KCNIP4: variants seen among roughly 807,000 people sequenced by gnomAD.
The protein encoded by KCNIP4 is Kv channel-interacting protein 4.
KCNIP4 carries 12 observed loss-of-function variants against 34.0 expected under a neutral mutation model. The observed-to-expected ratio is 0.35, with a 90% CI of 0.23 to 0.57. The LOEUF is 0.57. KCNIP4 is among the 20% of genes least tolerant of loss of function. The probability of loss-of-function intolerance (pLI) is 0.83; values close to 1 mark genes in which losing one functional copy is unlikely to be tolerated. For missense variants in KCNIP4, 238 were observed against 311.7 expected, an observed-to-expected ratio of 0.76 and a Z score of 1.78; for synonymous variants, 124 against 102.2, an observed-to-expected ratio of 1.21 and a Z score of -1.29.
chr4:21,588,873 C>A (rs1741878798), intron 1 of KCNIP4, among the ~76,000 whole-genome samples: 1 of 151,390 alleles, frequency 6.6e-6, no homozygotes, highest in African/African-American at 2.4e-5. Flanking sequence ...ATTCTGCAAC[C>A]ATCACTTGGA....
chr4:20,825,809 C>G (rs1403119133), intron 3 of KCNIP4, among the ~76,000 whole-genome samples: 2 of 151,910 alleles, frequency 1.3e-5, no homozygotes, highest in East Asian at 3.9e-4. Flanking sequence ...AACAGAAGTG[C>G]GTAAAGAATT....
chr4:21,080,532 T>C (rs1745912348), intron 1 of KCNIP4, among the ~76,000 whole-genome samples: 1 of 151,868 alleles, frequency 6.6e-6, no homozygotes, highest in Non-Finnish European at 1.5e-5. Context: ...AATTATTTTA[T>C]AAATCAGTTC....
chr4:21,291,865 AAAAAAGAAAGAAAGAAAGAAAGAAAG>A (rs1560259678), intron 1 of KCNIP4, among the ~76,000 whole-genome samples: 12 of 64,590 alleles, frequency 1.9e-4, no homozygotes, highest in African/African-American at 6.9e-4. Flanking sequence ...AAAAAAAAAA[AAAAAAGAAAGAAAGAAAGAAAGAAAG>A]AAAGAAAGAA....
At position 20,808,116 on chromosome 4, in the gene KCNIP4, T is replaced by C. The variant is rs567585278; in HGVS notation, c.288+42427A>G. On this transcript the variant is annotated intron_variant, in intron 3 of 8. Transcript: ENST00000382152. ...ACTGGAAACCCTTAGGACAAATCTCTTTTTTGGTAAAACTGTTGAATATAT... is the reference window on the plus strand; with the variant it reads ...ACTGGAAACCCTTAGGACAAATCTCCTTTTTGGTAAAACTGTTGAATATAT... Among the ~76,000 whole-genome samples, 55 of 152,304 alleles carry C rather than the reference T, an allele frequency of 3.6e-4. 1 individual carries two copies. The South Asian group carries it at 0.011, about 30-fold the overall frequency.
At chr4:21,025,760 T>C (rs565216288) in intron 1 of KCNIP4, among the ~76,000 whole-genome samples, 4 of 152,006 alleles carry the variant, frequency 2.6e-5, no homozygotes, top group African/African-American at 4.8e-5. Context: ...TTCACCGTGT[T>C]AGCCAGGATG....
chr4:21,683,229 T>G (rs911472172), intron 1 of KCNIP4, among the ~76,000 whole-genome samples: 1 of 152,058 alleles, frequency 6.6e-6, no homozygotes, highest in East Asian at 1.9e-4. Context: ...ACAACAGACC[T>G]TAGCTGAAAT....
intron 1 of KCNIP4, among the ~76,000 whole-genome samples, chr4:21,630,963 A>C (rs2109204461): frequency 6.6e-6 from 1 of 152,262 alleles, no homozygotes; most frequent in South Asian, 2.1e-4. Flanking sequence ...ATTTACTTTC[A>C]CACGCCCCTT....
chr4:20,997,657 C>T (rs1183401263), intron 1 of KCNIP4, among the ~76,000 whole-genome samples: 2 of 152,212 alleles, frequency 1.3e-5, no homozygotes, highest in African/African-American at 4.8e-5. Context: ...ATGCTTCTCT[C>T]TGGGTGTTCT....
chr4:21,241,275 C>A (rs71607060), intron 1 of KCNIP4, among the ~76,000 whole-genome samples: 337 of 152,230 alleles, frequency 2.2e-3, no homozygotes, highest in Non-Finnish European at 3.8e-3. Flanking sequence ...ACTTACAAAG[C>A]AACAATAACC....
chr4:21,444,578 C>T (rs947782826), intron 1 of KCNIP4, among the ~76,000 whole-genome samples: 8 of 152,186 alleles, frequency 5.3e-5, no homozygotes, highest in African/African-American at 1.4e-4. Flanking sequence ...TTCAACAGCA[C>T]TTCATGCTAA....
chr4:21,803,479 T>C lies in KCNIP4; in HGVS notation c.61+145092A>G, dbSNP rs1481549441. Among the ~76,000 whole-genome samples the C allele has an allele frequency of 2.0e-5, 3 of 152,264 alleles. No individual in the cohort carries two copies. In the East Asian group the frequency reaches 5.8e-4, roughly 29 times the overall value. On this transcript the variant is annotated intron_variant, in intron 1 of 8. Transcript: ENST00000382152. ...GATGTGATAACACCATTACCTTCCC[T>C]AAATGTTTCAATGGCTTTCTTTCAG...
intron 1 of KCNIP4, among the ~76,000 whole-genome samples, chr4:21,064,389 C>G (rs1744173591): frequency 6.6e-6 from 1 of 151,194 alleles, no homozygotes; most frequent in South Asian, 2.1e-4. Flanking sequence ...CATTTTTACT[C>G]CCGTTACCTC....
chr4:20,929,174 T>TTA (rs144207348), intron 1 of KCNIP4, among the ~76,000 whole-genome samples: 3,647 of 152,022 alleles, frequency 0.024, 132 homozygotes, highest in African/African-American at 0.075. Flanking sequence ...ATCAAAAAGA[T>TTA]TATACATCAT....
intron 1 of KCNIP4, among the ~76,000 whole-genome samples, chr4:21,484,540 G>A (rs186015343): frequency 2.0e-5 from 3 of 152,174 alleles, no homozygotes; most frequent in Non-Finnish European, 2.9e-5. Context: ...ATATAATGTT[G>A]TGCAGGTTAT....
At chr4:20,737,008 GGCCAATTGATTTTCGATAATGGT>G (rs2149284296) in intron 5 of KCNIP4, among the ~76,000 whole-genome samples, 1 of 152,250 alleles carries the variant, frequency 6.6e-6, no homozygotes, top group Non-Finnish European at 1.5e-5. Flanking sequence ...AGCTGTCTGT[GGCCAATTGATTTTCGATAATGGT>G]GCCAAGACCA....
At chr4:21,899,573 TAA>T (rs1056940315) in intron 1 of KCNIP4, among the ~76,000 whole-genome samples, 1 of 151,808 alleles carries the variant, frequency 6.6e-6, no homozygotes, top group African/African-American at 2.4e-5. Context: ...TTAGAACTGA[TAA>T]AAAAATTCAG....
intron 2 of KCNIP4, among the ~76,000 whole-genome samples, chr4:20,854,724 T>C (rs940015670): frequency 1.3e-5 from 2 of 152,148 alleles, no homozygotes; most frequent in Admixed American, 1.3e-4. Flanking sequence ...CAAAATAAAA[T>C]GTTCATATTA....
intron 1 of KCNIP4, among the ~76,000 whole-genome samples, chr4:21,877,618 T>G (rs186591019): frequency 1.4e-4 from 21 of 152,244 alleles, no homozygotes; most frequent in Non-Finnish European, 1.6e-4. Flanking sequence ...CCTACCACTC[T>G]CCTTTGTTCT....
chr4:21,021,513 C>T (rs1360853184), intron 1 of KCNIP4, among the ~76,000 whole-genome samples: 1 of 152,010 alleles, frequency 6.6e-6, no homozygotes, highest in African/African-American at 2.4e-5. Context: ...TATAGTTGTA[C>T]AAAAATGTTT....
Sources: gnomAD v4.1 joint callset for allele counts (sites outside exome capture counted in the v4.1 genomes callset) on GRCh38, gnomAD v4.1.1 for gene constraint, MANE v1.5 for transcripts, NCBI Gene and HGNC (gene_info 2026-07-23, HGNC 2026-07-21) for gene names.